Variants in FHIP1A observed in about 807,000 individuals in gnomAD.
FHIP1A encodes the protein FHF complex subunit HOOK interacting protein 1A.
Under a neutral mutation model 88.6 loss-of-function variants are expected in FHIP1A, and 61 were observed. That is an observed-to-expected ratio of 0.69 (90% CI 0.56 to 0.85). FHIP1A has a LOEUF of 0.85. FHIP1A is among the 40% of genes least tolerant of loss of function. The pLI, the probability that FHIP1A is intolerant of heterozygous loss-of-function variation, is 0.00. For missense variants in FHIP1A, 1,154 were observed against 1,273.5 expected, an observed-to-expected ratio of 0.91 and a Z score of 1.43; for synonymous variants, 478 against 496.0, an observed-to-expected ratio of 0.96 and a Z score of 0.48.
At chr4:151,631,143 A>G (rs1736142988) in intron 8 of FHIP1A, among the ~76,000 whole-genome samples, 1 of 152,156 alleles carries the variant, frequency 6.6e-6, no homozygotes, top group Non-Finnish European at 1.5e-5. Flanking sequence ...AACAATAAAG[A>G]TTAGAGCAGA....
chr4:151,555,990 T>C (rs773700448), intron 3 of FHIP1A, among the ~76,000 whole-genome samples: 8 of 152,148 alleles, frequency 5.3e-5, no homozygotes, highest in Non-Finnish European at 1.2e-4. Context: ...TCAGAACAAA[T>C]AATAGAAAAG....
Position 151,507,679 on chromosome 4 carries a change from C to T in FHIP1A, c.-123+25031C>T, listed in dbSNP as rs567251192. 7.2e-5 allele frequency among the ~76,000 whole-genome samples: 11 copies of T among 152,032 alleles called. No individual in the cohort carries two copies. In the South Asian group the frequency reaches 1.9e-3, roughly 26 times the overall value. On this transcript the variant is annotated intron_variant, in intron 3 of 13. Coordinates refer to ENST00000435205, the MANE Select transcript of FHIP1A (RefSeq NM_001109977.3). ...TGAACAAGGGCATCTATAATGTTTT[C>T]GATATTTATTTTCAAAATTGTAATG...
intron 2 of FHIP1A, among the ~76,000 whole-genome samples, chr4:151,474,238 A>T (rs899159154): frequency 1.3e-5 from 2 of 152,216 alleles, no homozygotes; most frequent in African/African-American, 4.8e-5. Flanking sequence ...TTTACTATTT[A>T]GAAAATAACA....
At chr4:151,422,287 C>A (rs1461115031) in intron 1 of FHIP1A, among the ~76,000 whole-genome samples, 1 of 151,748 alleles carries the variant, frequency 6.6e-6, no homozygotes, top group African/African-American at 2.4e-5. Context: ...ATTTGATAAT[C>A]TTGGCTATAT....
At chr4:151,468,804 G>A (rs966776643) in intron 2 of FHIP1A, among the ~76,000 whole-genome samples, 1 of 147,244 alleles carries the variant, frequency 6.8e-6, no homozygotes, top group Non-Finnish European at 1.5e-5. Flanking sequence ...TCAGCCGCCT[G>A]TCTACTGTGA....
chr4:151,651,681 C>T (rs761359879), intron 11 of FHIP1A, among the ~76,000 whole-genome samples: 6 of 152,052 alleles, frequency 3.9e-5, no homozygotes, highest in Non-Finnish European at 8.8e-5. Flanking sequence ...TTGGAGTAAC[C>T]CAAAATAGAT....
chr4:151,612,167 A>T (rs1321478420), intron 7 of FHIP1A, among the ~76,000 whole-genome samples: 1 of 152,156 alleles, frequency 6.6e-6, no homozygotes, highest in Non-Finnish European at 1.5e-5. Flanking sequence ...CTTCAGTATC[A>T]TCTCTTTCCA....
intron 7 of FHIP1A, among the ~76,000 whole-genome samples, chr4:151,593,386 T>C (rs1207108068): frequency 6.6e-6 from 1 of 152,250 alleles, no homozygotes; most frequent in Non-Finnish European, 1.5e-5. Context: ...TGATGCTTCC[T>C]ATCCATGAGC....
At chr4:151,585,856 G>A (rs1287987811) in intron 5 of FHIP1A, among the ~76,000 whole-genome samples, 1 of 152,224 alleles carries the variant, frequency 6.6e-6, no homozygotes, top group South Asian at 2.1e-4. Flanking sequence ...ATGCCAGACC[G>A]ATAGATGTCA....
chr4:151,575,846 G>A (rs558689585), intron 4 of FHIP1A, among the ~76,000 whole-genome samples: 1 of 152,258 alleles, frequency 6.6e-6, no homozygotes, highest in Admixed American at 6.5e-5. Context: ...CCCTTTGCCA[G>A]CTTCCCCAAT....
intron 7 of FHIP1A, among the ~76,000 whole-genome samples, chr4:151,603,434 C>T (rs902790821): frequency 6.6e-6 from 1 of 152,112 alleles, no homozygotes; most frequent in Non-Finnish European, 1.5e-5. Flanking sequence ...TCTCTTAGTT[C>T]TCCTTAGGGT....
intron 1 of FHIP1A, among the ~76,000 whole-genome samples, chr4:151,438,186 G>A (rs546955135): frequency 1.3e-5 from 2 of 152,198 alleles, no homozygotes; most frequent in South Asian, 4.1e-4. Flanking sequence ...CTGGAGATCC[G>A]TGTTGCCTCC....
intron 1 of FHIP1A, among the ~76,000 whole-genome samples, chr4:151,443,382 A>G (rs1728477765): frequency 6.6e-6 from 1 of 152,030 alleles, no homozygotes; most frequent in Non-Finnish European, 1.5e-5. Context: ...CAATGGTGTG[A>G]TCATAGAACT....
rs1737730326 is a variant in FHIP1A, at chr4:151,668,128, ACAAG to A, written c.*5379_*5382del. 6.6e-6 allele frequency among the ~76,000 whole-genome samples: 1 copy of A among 152,162 alleles called. No homozygotes were observed. Among genetic ancestry groups the A allele is most frequent in the Admixed American group, 6.5e-5 (1 of 15,286 alleles). ...GTTTCAATCAGATGCTTCCCACCTC[ACAAG>A]CAAGGGTCAGCTCTATTTGCAAATA... On this transcript the variant is annotated 3_prime_UTR_variant, in exon 14 of 14. Transcript: ENST00000435205.
intron 11 of FHIP1A, among the ~76,000 whole-genome samples, chr4:151,655,855 T>C (rs1737211492): frequency 6.6e-6 from 1 of 152,208 alleles, no homozygotes; most frequent in Non-Finnish European, 1.5e-5. Context: ...CATCATGAGA[T>C]GATGGCTGTC....
chr4:151,616,750 A>G (rs1165308954), intron 7 of FHIP1A, among the ~76,000 whole-genome samples: 1 of 140,798 alleles, frequency 7.1e-6, no homozygotes, highest in African/African-American at 2.7e-5. Flanking sequence ...ACGCCTGGCC[A>G]GTACTTTCTT....
chr4:151,585,476 G>T (rs1307748772), intron 5 of FHIP1A, among the ~76,000 whole-genome samples: 1 of 152,100 alleles, frequency 6.6e-6, no homozygotes, highest in Non-Finnish European at 1.5e-5. Flanking sequence ...ACCACCCCTG[G>T]CCCCATAGCT....
intron 7 of FHIP1A, among the ~76,000 whole-genome samples, chr4:151,593,966 G>A (rs1248957294): frequency 6.6e-6 from 1 of 152,102 alleles, no homozygotes; most frequent in Non-Finnish European, 1.5e-5. Flanking sequence ...AGTTTTTAGC[G>A]TGAAGGGGTG....
intron 5 of FHIP1A, among the ~76,000 whole-genome samples, chr4:151,583,941 G>A (rs1319258228): frequency 1.3e-5 from 2 of 151,820 alleles, no homozygotes; most frequent in Non-Finnish European, 2.9e-5. Flanking sequence ...TTTAAAAAGA[G>A]ATAAATGTAC....
Sources: gnomAD v4.1 joint callset for allele counts (sites outside exome capture counted in the v4.1 genomes callset) on GRCh38, gnomAD v4.1.1 for gene constraint, MANE v1.5 for transcripts, NCBI Gene and HGNC (gene_info 2026-07-23, HGNC 2026-07-21) for gene names.